Variants in C10orf71 observed in about 807,000 individuals in gnomAD.
C10orf71 encodes chromosome 10 open reading frame 71, also known as cardiac-enriched FHL2-interacting protein.
For missense variants in C10orf71, 1,869 were observed against 1,804.5 expected, an observed-to-expected ratio of 1.04 and a Z score of -0.65; for synonymous variants, 758 against 726.3, an observed-to-expected ratio of 1.04 and a Z score of -0.70.
Position 49,326,501 on chromosome 10 carries a change from C to G in C10orf71, c.3956C>G (p.Ser1319Cys), listed in dbSNP as rs1849252037. 6.4e-7 allele frequency: 1 copy of G among 1,550,518 alleles called. No individual in the cohort carries two copies. Among genetic ancestry groups the G allele is most frequent in the Non-Finnish European group, 8.7e-7 (1 of 1,146,896 alleles). Residue 1319 changes from serine to cysteine, a missense_variant, in exon 3 of 3, where the codon TCC (serine) becomes TGC (cysteine). Physicochemically the swap from Ser to Cys is moderately radical, Grantham distance 112. Transcript: ENST00000374144. ...TCCATCCCGTCCTCCGAGGGGGCCT[C>G]CCCAGAGCCGCCCCCACCGGACGCC... ...KVSIPSSEGA[S>C]PEPPPPDALA... is the part of the protein sequence containing the mutation.
In C10orf71 at chr10:49,325,406, CA is replaced by C. The variant is rs1433276892; in HGVS notation, c.2864del (p.Lys955ArgfsTer16). On this transcript the variant is annotated frameshift_variant, in exon 3 of 3. Coordinates refer to ENST00000374144, the MANE Select transcript of C10orf71 (RefSeq NM_001135196.2). LOFTEE classifies it low-confidence loss of function (END_TRUNC). ...MARMEASQPA[P>X]KGNFPSMPLV... ...AGGATGGAGGCCTCTCAGCCAGCCC[CA>C]AAGGGGAATTTCCCATCTATGCCTC... is the stretch of plus-strand genomic sequence containing the variant. The C allele has an allele frequency of 2.6e-6, 4 of 1,550,358 alleles. No homozygotes were observed. Among genetic ancestry groups the C allele is most frequent in the Non-Finnish European group, 3.5e-6 (4 of 1,146,054 alleles).
chr10:49,317,370 C>T (rs763201615), intron 2 of C10orf71, among the ~76,000 whole-genome samples: 8 of 152,332 alleles, frequency 5.3e-5, no homozygotes, highest in Non-Finnish European at 1.2e-4. Flanking sequence ...GTGGCCATTG[C>T]TTGTCTCTCA....
intron 1 of C10orf71, among the ~76,000 whole-genome samples, chr10:49,306,732 C>T (rs1848820545): frequency 6.6e-6 from 1 of 152,236 alleles, no homozygotes; most frequent in South Asian, 2.1e-4. Context: ...ATGAGAAAGG[C>T]TCTCACATGC....
Position 49,324,476 on chromosome 10 carries a change from A to G in C10orf71, c.1931A>G (p.His644Arg), listed in dbSNP as rs1279708720. 1.2e-6 allele frequency: 2 copies of G among 1,608,162 alleles called. No homozygotes were observed. Among genetic ancestry groups the G allele is most frequent in the Non-Finnish European group, 1.7e-6 (2 of 1,177,050 alleles). The change falls in exon 3 of 3, where the codon CAC becomes CGC. Residue 644 changes from histidine (H) to arginine (R), a missense_variant. Coordinates refer to ENST00000374144, the MANE Select transcript of C10orf71 (RefSeq NM_001135196.2). Reference sequence around the variant, plus strand: ...TCCAGGGAACACCGCCCCAGGAAACACCTCTCCCTGAGGCTTTGCAATAGG... The same window carrying G: ...TCCAGGGAACACCGCCCCAGGAAACGCCTCTCCCTGAGGCTTTGCAATAGG... ...PDSREHRPRK[H>R]LSLRLCNRDP...
rs552230689 is a variant in C10orf71 at position 49,322,896 on chromosome 10, C to T, written c.351C>T (p.Pro117=). 1 of 1,613,902 alleles carries T rather than the reference C, an allele frequency of 6.2e-7. No individual in the cohort carries two copies. The highest frequency in any genetic ancestry group is 1.1e-5 in the South Asian group (1 of 91,076). The part of the protein sequence containing the change: ...QGEEKYPKTS[P]PPTPVQRRLE... ...AGGAAAAGTACCCCAAAACCAGCCC[C>T]CCACCAACGCCAGTCCAGAGGAGAC... is the stretch of plus-strand genomic sequence containing the variant. The change falls in exon 3 of 3, where the codon CCC becomes CCT. Residue 117 remains proline (P), a synonymous_variant. Coordinates refer to ENST00000374144, the MANE Select transcript of C10orf71 (RefSeq NM_001135196.2).
At position 49,326,430 on chromosome 10, in the gene C10orf71, A is replaced by G. The variant is rs1189145841; in HGVS notation, c.3885A>G (p.Lys1295=). 1.3e-6 allele frequency: 2 copies of G among 1,550,222 alleles called. No homozygotes were observed. The highest frequency in any genetic ancestry group is 3.9e-5 in the Admixed American group (2 of 50,938). Residue 1295 remains lysine (K), a synonymous_variant, in exon 3 of 3, where the codon AAA becomes AAG. Transcript: ENST00000374144. ...YFVFDLPLQV[K]IKTFYDPETG... is the part of the protein sequence containing the mutation. ...TCTTCGACTTGCCACTCCAGGTGAA[A>G]ATCAAGACCTTCTATGACCCAGAGA...
In C10orf71 at chr10:49,323,390, C is replaced by T. The variant is rs1455623792; in HGVS notation, c.845C>T (p.Ala282Val). The change falls in exon 3 of 3, where the codon GCC becomes GTC. Residue 282 changes from alanine (A) to valine (V), a missense_variant. Ala to Val is a moderately conservative substitution (Grantham distance 64). Coordinates refer to ENST00000374144, the MANE Select transcript of C10orf71 (RefSeq NM_001135196.2). ...SENSAFESWN[A>V]HQPKLLERKD... ...AATAGTGCTTTTGAGTCATGGAATGCCCACCAACCAAAGCTGCTGGAGAGA... is the reference window on the plus strand; with the variant it reads ...AATAGTGCTTTTGAGTCATGGAATGTCCACCAACCAAAGCTGCTGGAGAGA... 3.1e-6 allele frequency: 5 copies of T among 1,613,842 alleles called. No individual in the cohort carries two copies. Among genetic ancestry groups the T allele is most frequent in the Non-Finnish European group, 4.2e-6 (5 of 1,179,868 alleles).
chr10:49,326,388 G>A lies in C10orf71; in HGVS notation c.3843G>A (p.Gln1281=), dbSNP rs928962974. 5.2e-6 allele frequency: 8 copies of A among 1,550,552 alleles called. No individual in the cohort carries two copies. The highest frequency in any genetic ancestry group is 6.1e-6 in the Non-Finnish European group (7 of 1,146,914). ...PATQKVLQDP[Q]SGEYFVFDLP... is the part of the protein sequence containing the mutation. ...CCCAGAAGGTCCTCCAGGATCCGCA[G>A]TCCGGGGAGTACTTTGTCTTCGACT... Residue 1281 remains glutamine, a synonymous_variant, in exon 3 of 3, where the codon CAG becomes CAA. Coordinates refer to ENST00000374144, the MANE Select transcript of C10orf71 (RefSeq NM_001135196.2).
rs1849238391 is a variant in C10orf71, at chr10:49,326,150, G to GCGAGT, written c.3607_3611dup (p.Gln1205SerfsTer92). The stretch of plus-strand genomic sequence containing the variant: ...ACGGATCAGGCTCAGGAGAAGCATG[G>GCGAGT]CGAGTCACAGGAGGGAAAGCCCTGC... On this transcript the variant is annotated frameshift_variant, in exon 3 of 3. Coordinates refer to ENST00000374144, the MANE Select transcript of C10orf71 (RefSeq NM_001135196.2). LOFTEE classifies it low-confidence loss of function (END_TRUNC). 1 of 1,551,554 alleles carries GCGAGT rather than the reference G, an allele frequency of 6.4e-7. No homozygotes were observed. Among genetic ancestry groups the GCGAGT allele is most frequent in the South Asian group, 1.2e-5 (1 of 84,068 alleles).
intron 1 of C10orf71, among the ~76,000 whole-genome samples, chr10:49,306,707 T>A (rs779557269): frequency 1.1e-4 from 16 of 152,082 alleles, no homozygotes; most frequent in Non-Finnish European, 1.6e-4. Context: ...TGGCATGGGG[T>A]CCACTTACTT....
intron 1 of C10orf71, among the ~76,000 whole-genome samples, chr10:49,311,458 C>T (rs934307532): frequency 3.9e-5 from 6 of 152,328 alleles, no homozygotes; most frequent in African/African-American, 1.4e-4. Context: ...AAACCTCTGT[C>T]ATTACATCCC....
At chr10:49,314,218 T>C (rs1175669186) in intron 1 of C10orf71, among the ~76,000 whole-genome samples, 1 of 151,218 alleles carries the variant, frequency 6.6e-6, no homozygotes, top group Non-Finnish European at 1.5e-5. Flanking sequence ...ATAATGGAGG[T>C]AGAGGGGAGA....
chr10:49,310,948 T>G (rs1202724516), intron 1 of C10orf71, among the ~76,000 whole-genome samples: 2 of 152,188 alleles, frequency 1.3e-5, no homozygotes, highest in African/African-American at 4.8e-5. Flanking sequence ...ATTTATTGTT[T>G]ATTTGAAATT....
Position 49,323,577 on chromosome 10 carries a change from C to T in C10orf71, c.1032C>T (p.Ser344=), listed in dbSNP as rs538567277. The part of the protein sequence containing the change: ...EENRLAAGAL[S]TSIPWGCRDP... ...ACAGACTTGCAGCAGGGGCTCTGTC[C>T]ACATCTATACCCTGGGGGTGCAGGG... Residue 344 remains serine (S), a synonymous_variant, in exon 3 of 3, where the codon TCC becomes TCT. Transcript: ENST00000374144. The T allele has an allele frequency of 1.2e-4, 198 of 1,603,306 alleles. No individual in the cohort carries two copies. The South Asian group carries it at 2.0e-3, about 16-fold the overall frequency.
At position 49,310,818 on chromosome 10, in the gene C10orf71, T is replaced by TGAAGAAGAAGAA. The variant is rs536447518; in HGVS notation, c.-247-5324_-247-5313dup. Among the ~76,000 whole-genome samples the TGAAGAAGAAGAA allele has an allele frequency of 3.1e-3, 475 of 152,128 alleles. 2 individuals carry two copies. Among genetic ancestry groups the TGAAGAAGAAGAA allele is most frequent in the African/African-American group, 0.01 (429 of 41,484 alleles). On this transcript the variant is annotated intron_variant, in intron 1 of 2. Coordinates refer to ENST00000374144, the MANE Select transcript of C10orf71 (RefSeq NM_001135196.2). ...ATGATGATGGTGATGATGATGATGA[T>TGAAGAAGAAGAA]GAAGAAGAAGAAGAGGAGGAAGTCG...
rs1357576545 is a variant in C10orf71, at chr10:49,325,673, C to T, written c.3128C>T (p.Pro1043Leu). ...SHFLSTPRAGPPGRRLVPSER... is the reference protein window; with the variant it reads ...SHFLSTPRAGLPGRRLVPSER... ...TTTTTGTCCACACCCAGAGCAGGGC[C>T]CCCTGGCAGAAGACTGGTCCCCAGT... The change falls in exon 3 of 3, where the codon CCC becomes CTC. Residue 1043 changes from proline to leucine, a missense_variant. Transcript: ENST00000374144. 2 of 1,552,056 alleles carry T rather than the reference C, an allele frequency of 1.3e-6. No individual in the cohort carries two copies. The highest frequency in any genetic ancestry group is 2.4e-5 in the East Asian group (1 of 40,918).
Position 49,300,011 on chromosome 10 carries a change from G to A in C10orf71, c.-248+778G>A, listed in dbSNP as rs74791091. Among the ~76,000 whole-genome samples, 43 of 152,346 alleles carry A rather than the reference G, an allele frequency of 2.8e-4. No homozygotes were observed. In the East Asian group the frequency reaches 8.1e-3, roughly 29 times the overall value. Reference sequence around the variant, plus strand: ...CACCAGACTCCCACAGGGTATGCTTGACTGAGTCTAAAATTACCTCTTTTA... The same window carrying A: ...CACCAGACTCCCACAGGGTATGCTTAACTGAGTCTAAAATTACCTCTTTTA... On this transcript the variant is annotated intron_variant, in intron 1 of 2. Transcript: ENST00000374144.
rs1482466952 is a variant in C10orf71, at chr10:49,326,972, C to A, written c.*119C>A. The A allele has an allele frequency of 6.4e-7, 1 of 1,574,566 alleles. No homozygotes were observed. Among genetic ancestry groups the A allele is most frequent in the East Asian group, 2.3e-5 (1 of 42,964 alleles). On this transcript the variant is annotated 3_prime_UTR_variant, in exon 3 of 3. Coordinates refer to ENST00000374144, the MANE Select transcript of C10orf71 (RefSeq NM_001135196.2). ...ACACACACACACACACGATCATCAA[C>A]ACATACTTAGCCTTTTTAGATCCAT...
Position 49,327,061 on chromosome 10 carries a change from T to C in C10orf71, c.*208T>C, listed in dbSNP as rs140161223. On this transcript the variant is annotated 3_prime_UTR_variant, in exon 3 of 3. Transcript: ENST00000374144. ...CCCAAAGGGCTCCCTGGCTCTCCTC[T>C]GATGGAGGGGCACTGCTTGCTTGGC... is the stretch of plus-strand genomic sequence containing the variant. 6,125 of 1,514,000 alleles carry C rather than the reference T, an allele frequency of 4.0e-3. 33 individuals carry two copies. Among genetic ancestry groups the C allele is most frequent in the African/African-American group, 0.016 (1,198 of 73,084 alleles). The allele number at this position is 1,514,000 out of a possible 1,614,324, so 93.8% of individuals were successfully genotyped here. A position where few individuals can be genotyped will look rare whatever the true frequency, so the allele number is the denominator to read the frequency against.
Sources: gnomAD v4.1 joint callset for allele counts (sites outside exome capture counted in the v4.1 genomes callset) on GRCh38, gnomAD v4.1.1 for gene constraint, MANE v1.5 for transcripts, NCBI Gene and HGNC (gene_info 2026-07-23, HGNC 2026-07-21) for gene names.